Variants in DPP6 observed in about 807,000 individuals in gnomAD.
DPP6 encodes dipeptidyl peptidase like 6, also known as A-type potassium channel modulatory protein DPP6.
In DPP6, 69 loss-of-function variants were observed where a neutral mutation model predicts 122.6. The observed-to-expected ratio is 0.56, with a 90% CI of 0.46 to 0.69. DPP6 has a LOEUF of 0.69. Among genes scored for constraint, DPP6 ranks in the 30% least tolerant of loss-of-function variants. The pLI is 0.00. For synonymous variants in DPP6, 418 were observed against 433.1 expected, an observed-to-expected ratio of 0.97 and a Z score of 0.43; for missense variants, 928 against 1,116.9, an observed-to-expected ratio of 0.83 and a Z score of 2.41.
chr7:153,835,892 A>C, the DPP6 span, among the ~76,000 whole-genome samples: 7 of 152,208 alleles, frequency 4.6e-5, no homozygotes, highest in African/African-American at 1.7e-4. Flanking sequence ...CAGGGGGTGG[A>C]ATTATTACGG....
At chr7:153,929,084 G>A (rs913058262) in intron 1 of DPP6, among the ~76,000 whole-genome samples, 6 of 152,138 alleles carry the variant, frequency 3.9e-5, no homozygotes, top group Non-Finnish European at 8.8e-5. Flanking sequence ...GGTTTGAGTC[G>A]AGGAGTGAGG....
chr7:154,229,892 A>T lies in DPP6; in HGVS notation c.243+176829A>T, dbSNP rs1321269350. Among the ~76,000 whole-genome samples, 2 of 152,192 alleles carry T rather than the reference A, an allele frequency of 1.3e-5. 1 individual carries two copies. Among genetic ancestry groups the T allele is most frequent in the African/African-American group, 4.8e-5 (2 of 41,444 alleles). Reference sequence around the variant, plus strand: ...TGGTGCAAAATATTTTGTGAAACCCATGCATAGTTGGTTTTTATAATACAC... The same window carrying T: ...TGGTGCAAAATATTTTGTGAAACCCTTGCATAGTTGGTTTTTATAATACAC... On this transcript the variant is annotated intron_variant, in intron 1 of 25. Coordinates refer to ENST00000377770, the MANE Select transcript of DPP6 (RefSeq NM_130797.4).
chr7:154,852,172 C>T (rs1363250990), intron 16 of DPP6, among the ~76,000 whole-genome samples: 1 of 152,214 alleles, frequency 6.6e-6, no homozygotes, highest in Non-Finnish European at 1.5e-5. Flanking sequence ...GATTCCCTAG[C>T]TTTCAACCAG....
At chr7:154,177,347 T>C (rs1351554097) in intron 1 of DPP6, among the ~76,000 whole-genome samples, 1 of 152,130 alleles carries the variant, frequency 6.6e-6, no homozygotes, top group Non-Finnish European at 1.5e-5. Flanking sequence ...AAAAGAAGTA[T>C]AAGTGATGAA....
chr7:154,247,386 G>T (rs1295180849), intron 1 of DPP6, among the ~76,000 whole-genome samples: 4 of 152,198 alleles, frequency 2.6e-5, no homozygotes, highest in Admixed American at 6.5e-5. Context: ...CAAAGGACTT[G>T]TATCTACAAT....
At chr7:154,703,763 C>T (rs1259198933) in intron 7 of DPP6, among the ~76,000 whole-genome samples, 11 of 151,990 alleles carry the variant, frequency 7.2e-5, no homozygotes, top group Non-Finnish European at 1.3e-4. Flanking sequence ...CGTGAAACCC[C>T]GTCTCTACTA....
At chr7:154,389,142 A>G (rs1814387972) in intron 1 of DPP6, among the ~76,000 whole-genome samples, 1 of 152,176 alleles carries the variant, frequency 6.6e-6, no homozygotes, top group African/African-American at 2.4e-5. Flanking sequence ...ATTTATGTAG[A>G]AACGTCGATA....
chr7:154,613,706 C>A (rs796322714), intron 5 of DPP6, among the ~76,000 whole-genome samples: 14 of 143,774 alleles, frequency 9.7e-5, no homozygotes, highest in African/African-American at 3.8e-4. Flanking sequence ...ACAAAATAAT[C>A]AATGGTAGAG....
At chr7:154,510,336 A>T (rs1825969282) in intron 3 of DPP6, among the ~76,000 whole-genome samples, 1 of 152,170 alleles carries the variant, frequency 6.6e-6, no homozygotes, top group Admixed American at 6.5e-5. Flanking sequence ...GTATATACAA[A>T]TGGAGCTAAC....
At chr7:154,575,394 AGTG>A (rs1586662854) in intron 5 of DPP6, among the ~76,000 whole-genome samples, 29 of 24,016 alleles carry the variant, frequency 1.2e-3, no homozygotes, top group East Asian at 4.2e-3. Flanking sequence ...ATGTGTGTGT[AGTG>A]TGTGTGTGGT....
intron 25 of DPP6, chr7:154,889,970 A>T (rs1806467510): frequency 5.8e-6 from 1 of 173,466 alleles, no homozygotes; most frequent in Non-Finnish European, 1.2e-5. Flanking sequence ...GTTACTACGC[A>T]CTAGCAGGAT....
chr7:153,934,122 G>A (rs1801310667), intron 1 of DPP6, among the ~76,000 whole-genome samples: 1 of 152,134 alleles, frequency 6.6e-6, no homozygotes, highest in Admixed American at 6.5e-5. Context: ...TGCTCTCAGG[G>A]ACACCATCCC....
intron 6 of DPP6, among the ~76,000 whole-genome samples, chr7:154,645,951 C>G (rs1364277393): frequency 7.5e-6 from 1 of 134,070 alleles, no homozygotes; most frequent in Non-Finnish European, 1.5e-5. Context: ...TGGCGTGAAC[C>G]CGGGAGGTGG....
At chr7:153,913,710 A>G (rs1800184602) in intron 1 of DPP6, among the ~76,000 whole-genome samples, 1 of 152,158 alleles carries the variant, frequency 6.6e-6, no homozygotes, top group Non-Finnish European at 1.5e-5. Context: ...TTCAGACCTT[A>G]GAAACATGTT....
intron 1 of DPP6, chr7:154,026,909 A>C (rs1206450956): frequency 6.6e-6 from 1 of 151,464 alleles, no homozygotes; most frequent in African/African-American, 2.4e-5. Context: ...ATTATGATAT[A>C]AACAAATGAG....
At chr7:154,578,735 A>G (rs1275342218) in intron 5 of DPP6, among the ~76,000 whole-genome samples, 3 of 151,922 alleles carry the variant, frequency 2.0e-5, no homozygotes, top group Non-Finnish European at 4.4e-5. Context: ...GGTTTGTATG[A>G]TTTCTCTTGA....
intron 6 of DPP6, among the ~76,000 whole-genome samples, chr7:154,639,703 G>C (rs1286861679): frequency 6.6e-6 from 1 of 152,178 alleles, no homozygotes; most frequent in East Asian, 1.9e-4. Flanking sequence ...TAGATACCTG[G>C]AGCCTGGTGA....
intron 25 of DPP6, 68 bp downstream of exon 25, chr7:154,889,598 C>T (rs1182647669): frequency 1.5e-5 from 24 of 1,553,838 alleles, no homozygotes; most frequent in South Asian, 4.8e-5. Context: ...AAAGACCTGA[C>T]GGGTGTTCAG....
intron 1 of DPP6, among the ~76,000 whole-genome samples, chr7:154,240,973 G>T (rs1342915873): frequency 1.3e-5 from 2 of 152,004 alleles, no homozygotes; most frequent in Admixed American, 6.6e-5. Flanking sequence ...ATATACTTTG[G>T]GTCAAAAGGT....
Sources: allele counts gnomAD v4.1 joint callset (sites outside exome capture counted in the v4.1 genomes callset), GRCh38; gene constraint gnomAD v4.1.1; transcripts MANE v1.5; gene names NCBI Gene and HGNC (gene_info 2026-07-23, HGNC 2026-07-21).